Variants in CNGA1 observed in about 807,000 individuals in gnomAD.
CNGA1 encodes the protein cyclic nucleotide-gated channel alpha-1.
CNGA1 carries 53 observed loss-of-function variants against 69.7 expected under a neutral mutation model. The ratio of observed to expected loss-of-function variants is 0.76; its 90% CI spans 0.61 to 0.96. The LOEUF is 0.96. Among genes scored for constraint, CNGA1 ranks in the 40% least tolerant of loss-of-function variants. The probability of loss-of-function intolerance (pLI) is 0.00; values close to 1 mark genes in which losing one functional copy is unlikely to be tolerated. For missense variants in CNGA1, 739 were observed against 811.2 expected, an observed-to-expected ratio of 0.91 and a Z score of 1.08; for synonymous variants, 249 against 283.5, an observed-to-expected ratio of 0.88 and a Z score of 1.22.
chr4:47,975,211 T>C (rs1741285748), intron 3 of CNGA1, among the ~76,000 whole-genome samples: 1 of 152,228 alleles, frequency 6.6e-6, no homozygotes, highest in African/African-American at 2.4e-5. Flanking sequence ...ATTATCCTTA[T>C]AGGCTCATAA....
Position 47,964,046 on chromosome 4 carries a change from A to G in CNGA1, c.-14-11343T>C, listed in dbSNP as rs548611130. Among the ~76,000 whole-genome samples, 9 of 152,334 alleles carry G rather than the reference A, an allele frequency of 5.9e-5. No individual in the cohort carries two copies. In the South Asian group the frequency reaches 1.9e-3, roughly 32 times the overall value. ...TGTTTGTGAATGAACGTGTACATAT[A>G]TTTTAAAATATAATTAAAGTAATTT... On this transcript the variant is annotated intron_variant, in intron 3 of 10. Transcript: ENST00000514170.
intron 1 of CNGA1, among the ~76,000 whole-genome samples, chr4:48,014,056 C>T (rs1042538613): frequency 7.9e-5 from 12 of 152,186 alleles, no homozygotes; most frequent in African/African-American, 2.4e-4. Context: ...TGTCCTAGCA[C>T]AAAGACCAAT....
At chr4:47,972,059 A>T (rs924791991) in intron 3 of CNGA1, among the ~76,000 whole-genome samples, 3 of 152,234 alleles carry the variant, frequency 2.0e-5, no homozygotes, top group East Asian at 3.9e-4. Flanking sequence ...TCCATAACCA[A>T]TGTATAGTTT....
At chr4:47,962,030 A>T (rs1740466926) in intron 3 of CNGA1, among the ~76,000 whole-genome samples, 1 of 152,154 alleles carries the variant, frequency 6.6e-6, no homozygotes, top group African/African-American at 2.4e-5. Context: ...AGAATGCAAG[A>T]TATCTGATTA....
intron 3 of CNGA1, among the ~76,000 whole-genome samples, chr4:47,967,777 G>A (rs186983441): frequency 1.3e-5 from 2 of 152,298 alleles, no homozygotes; most frequent in East Asian, 3.9e-4. Flanking sequence ...AGGAGATTGA[G>A]ACCATCCCAG....
chr4:48,001,713 AC>A (rs1238198405), intron 2 of CNGA1, among the ~76,000 whole-genome samples: 1 of 152,192 alleles, frequency 6.6e-6, no homozygotes, highest in Non-Finnish European at 1.5e-5. Context: ...AAAACACTAC[AC>A]CCAGCAACTG....
chr4:47,977,516 A>T (rs984568641), intron 3 of CNGA1, among the ~76,000 whole-genome samples: 1 of 152,124 alleles, frequency 6.6e-6, no homozygotes, highest in African/African-American at 2.4e-5. Context: ...CTGAGTGCTC[A>T]TGGTTTCTCC....
At position 47,951,467 on chromosome 4, in the gene CNGA1, G is replaced by C; in HGVS notation, c.110C>G (p.Ser37Cys). 1.2e-6 allele frequency: 2 copies of C among 1,600,164 alleles called. No homozygotes were observed. The highest frequency in any genetic ancestry group is 8.6e-7 in the Non-Finnish European group (1 of 1,167,608). Residue 37 changes from serine (S) to cysteine (C), a missense_variant and splice_region_variant, in exon 5 of 11, where the codon TCC becomes TGC. Transcript: ENST00000514170. ...IRRMENGACS[S>C]FSEDDDSAST... ...GGCACTGTCATCATCCTCAGAAAAG[G>C]AGCTACAGTCCAATAGGAGGCAGAG...
chr4:48,008,433 T>C (rs1715015029), intron 2 of CNGA1, among the ~76,000 whole-genome samples: 1 of 152,212 alleles, frequency 6.6e-6, no homozygotes, highest in South Asian at 2.1e-4. Flanking sequence ...CCTTGTTTTG[T>C]ACACAACCTT....
chr4:47,977,414 A>G (rs1741471859), intron 3 of CNGA1, among the ~76,000 whole-genome samples: 1 of 152,210 alleles, frequency 6.6e-6, no homozygotes. Context: ...TTCAGCCTCC[A>G]GAAGCATGAG....
At chr4:47,953,698 T>C (rs2110162388) in intron 3 of CNGA1, among the ~76,000 whole-genome samples, 1 of 152,350 alleles carries the variant, frequency 6.6e-6, no homozygotes, top group East Asian at 1.9e-4. Context: ...CCCCTTTGGC[T>C]GCTGTCTGAG....
At chr4:48,011,935 T>C (rs1715184791) in intron 1 of CNGA1, among the ~76,000 whole-genome samples, 1 of 152,160 alleles carries the variant, frequency 6.6e-6, no homozygotes, top group Non-Finnish European at 1.5e-5. Flanking sequence ...ATGTTTCCTA[T>C]TCAGATCTTA....
At chr4:47,965,561 G>A (rs1432434745) in intron 3 of CNGA1, among the ~76,000 whole-genome samples, 2 of 151,760 alleles carry the variant, frequency 1.3e-5, no homozygotes, top group Non-Finnish European at 2.9e-5. Flanking sequence ...CGAGTAGCTG[G>A]GATTACAGGT....
intron 1 of CNGA1, among the ~76,000 whole-genome samples, chr4:48,014,492 G>T (rs1299602190): frequency 2.0e-5 from 3 of 152,112 alleles, no homozygotes; most frequent in Non-Finnish European, 4.4e-5. Context: ...ATTCAATAAA[G>T]ATACATTTTT....
At chr4:48,012,257 T>C (rs1297957365) in intron 1 of CNGA1, among the ~76,000 whole-genome samples, 1 of 152,122 alleles carries the variant, frequency 6.6e-6, no homozygotes, top group Non-Finnish European at 1.5e-5. Context: ...GATAAAAAAA[T>C]CAGTTTAGTC....
chr4:48,002,037 T>C (rs1714685216), intron 2 of CNGA1, among the ~76,000 whole-genome samples: 1 of 152,188 alleles, frequency 6.6e-6, no homozygotes, highest in Non-Finnish European at 1.5e-5. Flanking sequence ...ATTTGTGGGA[T>C]GGAGCTAAAG....
intron 2 of CNGA1, among the ~76,000 whole-genome samples, chr4:47,981,835 A>AGG (rs1250016844): frequency 6.6e-6 from 1 of 152,216 alleles, no homozygotes; most frequent in African/African-American, 2.4e-5. Context: ...AACTTCACCC[A>AGG]GGGTTATCAT....
chr4:47,998,486 T>C (rs1223676805), intron 2 of CNGA1, among the ~76,000 whole-genome samples: 1 of 152,152 alleles, frequency 6.6e-6, no homozygotes, highest in African/African-American at 2.4e-5. Flanking sequence ...TTAATAATGC[T>C]TACATGGACT....
intron 3 of CNGA1, among the ~76,000 whole-genome samples, chr4:47,972,057 C>A (rs183959111): frequency 6.6e-6 from 1 of 152,174 alleles, no homozygotes; most frequent in South Asian, 2.1e-4. Flanking sequence ...CTTCCATAAC[C>A]AATGTATAGT....
Sources: allele counts gnomAD v4.1 joint callset (sites outside exome capture counted in the v4.1 genomes callset), GRCh38; gene constraint gnomAD v4.1.1; transcripts MANE v1.5; gene names NCBI Gene and HGNC (gene_info 2026-07-23, HGNC 2026-07-21).